The following LMBR1 variants were observed in gnomAD, a reference collection of about 807,000 sequenced individuals.
LMBR1 encodes the protein limb region 1 protein homolog.
Under a neutral mutation model 73.9 loss-of-function variants are expected in LMBR1, and 52 were observed. The ratio of observed to expected loss-of-function variants is 0.70; its 90% CI spans 0.56 to 0.89. LMBR1 has a LOEUF of 0.89. Among genes scored for constraint, LMBR1 ranks in the 40% least tolerant of loss-of-function variants. The probability of loss-of-function intolerance (pLI) is 0.00; values close to 1 mark genes in which losing one functional copy is unlikely to be tolerated. For missense variants in LMBR1, 539 were observed against 579.8 expected, an observed-to-expected ratio of 0.93 and a Z score of 0.72; for synonymous variants, 215 against 209.4, an observed-to-expected ratio of 1.03 and a Z score of -0.23.
Position 156,866,848 on chromosome 7 carries a change from C to T in LMBR1, c.66+26080G>A, listed in dbSNP as rs538072869. Among the ~76,000 whole-genome samples the T allele has an allele frequency of 1.1e-3, 162 of 152,216 alleles. 2 individuals are homozygous for T. The highest frequency in any genetic ancestry group is 3.6e-3 in the African/African-American group (150 of 41,534). ...GGAACTCCTGACCTCATGATCCACC[C>T]GCCTTGGCCTCCCAAAGTGCTGGGA... On this transcript the variant is annotated intron_variant, in intron 1 of 16. Coordinates refer to ENST00000353442, the MANE Select transcript of LMBR1 (RefSeq NM_022458.4).
At chr7:156,774,989 G>C (rs1204582861) in intron 5 of LMBR1, among the ~76,000 whole-genome samples, 1 of 152,158 alleles carries the variant, frequency 6.6e-6, no homozygotes, top group Admixed American at 6.5e-5. Context: ...GAAAAGAAGG[G>C]AACAACAGAC....
chr7:156,794,020 C>T (rs900330741), intron 5 of LMBR1, among the ~76,000 whole-genome samples: 30 of 152,166 alleles, frequency 2.0e-4, no homozygotes, highest in African/African-American at 6.0e-4. Context: ...CTTCCTTTAA[C>T]GGCATTAACA....
downstream of LMBR1, among the ~76,000 whole-genome samples, chr7:156,675,038 A>C (rs542226802): frequency 6.6e-6 from 1 of 152,314 alleles, no homozygotes; most frequent in African/African-American, 2.4e-5. Flanking sequence ...TAACGAGAAA[A>C]TTACACGGAT....
intron 1 of LMBR1, among the ~76,000 whole-genome samples, chr7:156,875,291 GAAC>G (rs1427760443): frequency 1.3e-5 from 2 of 152,062 alleles, no homozygotes; most frequent in African/African-American, 4.8e-5. Context: ...AAGAAAAAAT[GAAC>G]AACGCCTCCA....
intron 9 of LMBR1, chr7:156,736,583 CAACTT>C (rs1355154456): frequency 4.4e-6 from 2 of 456,936 alleles, no homozygotes; most frequent in African/African-American, 4.0e-5. Flanking sequence ...CTTCCTGTTG[CAACTT>C]CTGGATTTCC....
At position 156,688,068 on chromosome 7, in the gene LMBR1, A is replaced by G; in HGVS notation, c.1349T>C (p.Phe450Ser). ...AAGTTCTTCTCGAACTGCAGAGGTG[A>G]ATTTTCGGACCAGACACAATGTTGT... ...IVTTLCLVRK[F>S]TSAVREELFK... Residue 450 changes from phenylalanine to serine, a missense_variant, in exon 16 of 17, where the codon TTC becomes TCC. Phe to Ser is a radical substitution (Grantham distance 155, BLOSUM62 -2). Transcript: ENST00000353442. 1.2e-6 allele frequency: 2 copies of G among 1,611,782 alleles called. No individual in the cohort carries two copies. Among genetic ancestry groups the G allele is most frequent in the Non-Finnish European group, 1.7e-6 (2 of 1,179,332 alleles).
intron 2 of LMBR1, among the ~76,000 whole-genome samples, chr7:156,835,665 C>T (rs1312552731): frequency 2.0e-5 from 3 of 150,250 alleles, no homozygotes; most frequent in African/African-American, 7.4e-5. Context: ...ACTGCACTCC[C>T]GCCTGGGCGA....
intron 9 of LMBR1, among the ~76,000 whole-genome samples, chr7:156,741,151 C>A (rs568083629): frequency 6.6e-6 from 1 of 151,920 alleles, no homozygotes; most frequent in South Asian, 2.1e-4. Flanking sequence ...GAAGAACATA[C>A]AATGGATACT....
intron 9 of LMBR1, among the ~76,000 whole-genome samples, chr7:156,735,182 A>T (rs1475103690): frequency 6.6e-6 from 1 of 152,218 alleles, no homozygotes; most frequent in Non-Finnish European, 1.5e-5. Context: ...ACATTTATAG[A>T]AGGTTACTTC....
intron 5 of LMBR1, among the ~76,000 whole-genome samples, chr7:156,785,198 G>A (rs1585773418): frequency 6.6e-6 from 1 of 151,954 alleles, no homozygotes; most frequent in East Asian, 1.9e-4. Context: ...AATCACTTGA[G>A]CCCGGGAGGC....
At chr7:156,753,660 C>T (rs1821309968) in intron 9 of LMBR1, among the ~76,000 whole-genome samples, 1 of 152,090 alleles carries the variant, frequency 6.6e-6, no homozygotes, top group Non-Finnish European at 1.5e-5. Flanking sequence ...GCTCCATGTG[C>T]TGACCATGAT....
rs1342304834 is a variant in LMBR1 at position 156,779,664 on chromosome 7, A to G, written c.424-15869T>C. The G allele has an allele frequency of 4.7e-6, 6 of 1,281,548 alleles. No individual in the cohort carries two copies. The South Asian group carries it at 5.0e-5, about 11-fold the overall frequency. The allele number at this position is 1,281,548 out of a possible 1,614,324, so 79.4% of individuals were successfully genotyped here. On this transcript the variant is annotated intron_variant, in intron 5 of 16. Coordinates refer to ENST00000353442, the MANE Select transcript of LMBR1 (RefSeq NM_022458.4). ...ATTACAATGTACTTACAAAAGCTCT[A>G]TGGAGAAGCTGTCATGTTTCTATGG...
intron 1 of LMBR1, among the ~76,000 whole-genome samples, chr7:156,863,986 C>T (rs1053084373): frequency 2.0e-5 from 3 of 151,794 alleles, no homozygotes; most frequent in African/African-American, 4.8e-5. Context: ...CTCATCTCTA[C>T]TAAAAATACA....
At chr7:156,805,969 A>G (rs1831985811) in intron 4 of LMBR1, among the ~76,000 whole-genome samples, 1 of 152,166 alleles carries the variant, frequency 6.6e-6, no homozygotes, top group Admixed American at 6.5e-5. Context: ...GTGAGCCAAG[A>G]ATAGGGTCCT....
chr7:156,889,219 T>A (rs1285416069), intron 1 of LMBR1, among the ~76,000 whole-genome samples: 1 of 151,540 alleles, frequency 6.6e-6, no homozygotes. Flanking sequence ...CTGGAGAGAG[T>A]GAAGAATGGA....
intron 9 of LMBR1, among the ~76,000 whole-genome samples, chr7:156,755,057 G>A (rs1279526824): frequency 6.6e-6 from 1 of 152,188 alleles, no homozygotes; most frequent in Non-Finnish European, 1.5e-5. Flanking sequence ...AAAATGGTAT[G>A]TAAAAAAATT....
chr7:156,854,060 A>G (rs1159092684), intron 1 of LMBR1, among the ~76,000 whole-genome samples: 2 of 152,194 alleles, frequency 1.3e-5, no homozygotes, highest in Non-Finnish European at 2.9e-5. Context: ...AAAAGATAAC[A>G]TAGTGGCTTC....
intron 15 of LMBR1, among the ~76,000 whole-genome samples, chr7:156,694,072 G>A (rs905647513): frequency 1.7e-4 from 26 of 152,122 alleles, no homozygotes; most frequent in African/African-American, 6.0e-4. Flanking sequence ...AGTAGATGTA[G>A]AAAAGAGCAA....
chr7:156,731,254 G>A (rs1816782193), intron 10 of LMBR1, among the ~76,000 whole-genome samples: 1 of 152,096 alleles, frequency 6.6e-6, no homozygotes. Flanking sequence ...AAGATAAAAA[G>A]GAGATAAATA....
Sources: gnomAD v4.1 joint callset for allele counts (sites outside exome capture counted in the v4.1 genomes callset) on GRCh38, gnomAD v4.1.1 for gene constraint, MANE v1.5 for transcripts, NCBI Gene and HGNC (gene_info 2026-07-23, HGNC 2026-07-21) for gene names.